KCNIP2: variants seen among roughly 807,000 people sequenced by gnomAD.
The protein encoded by KCNIP2 is A-type potassium channel modulatory protein KCNIP2.
In KCNIP2, 19 loss-of-function variants were observed where a neutral mutation model predicts 39.0. That is an observed-to-expected ratio of 0.49 (90% CI 0.34 to 0.71). KCNIP2 has a LOEUF of 0.71. Among genes scored for constraint, KCNIP2 ranks in the 30% least tolerant of loss-of-function variants. The pLI, the probability that KCNIP2 is intolerant of heterozygous loss-of-function variation, is 0.01. For synonymous variants in KCNIP2, 111 were observed against 131.2 expected, an observed-to-expected ratio of 0.85 and a Z score of 1.05; for missense variants, 261 against 346.0, an observed-to-expected ratio of 0.75 and a Z score of 1.95.
Position 101,830,307 on chromosome 10 carries a change from G to A in KCNIP2, c.170-410C>T, listed in dbSNP as rs1015801778. 6 of 926,022 alleles carry A rather than the reference G, an allele frequency of 6.5e-6. No individual in the cohort carries two copies. The African/African-American group carries it at 1.1e-4, about 16-fold the overall frequency. 57.4% of individuals were successfully genotyped at this position (926,022 alleles called of 1,614,324 possible). A position where few individuals can be genotyped will look rare whatever the true frequency, so the allele number is the denominator to read the frequency against. ...AACCCAAATACCCTGGCGTCTGGAG[G>A]AGGGCAGGCGCCATCCTCTACACCT... is the stretch of plus-strand genomic sequence containing the variant. On this transcript the variant is annotated intron_variant, in intron 2 of 9. Transcript: ENST00000356640.
Position 101,826,472 on chromosome 10 carries a change from A to T in KCNIP2, c.*881T>A, listed in dbSNP as rs1589850855. ...TCTATAGAGAACATGGGAAACAAAA[A>T]CTCAAGTCATAGCCCTCAAAACAGG... On this transcript the variant is annotated 3_prime_UTR_variant, in exon 10 of 10. Transcript: ENST00000356640. 1 of 152,214 alleles carries T rather than the reference A, an allele frequency of 6.6e-6. No homozygotes were observed. The highest frequency in any genetic ancestry group is 1.9e-4 in the East Asian group (1 of 5,186). The allele number at this position is 152,214 out of a possible 1,614,324, so 9.4% of individuals were successfully genotyped here.
Position 101,827,296 on chromosome 10 carries a change from C to T in KCNIP2, c.*57G>A, listed in dbSNP as rs1427136093. 1 of 1,539,598 alleles carries T rather than the reference C, an allele frequency of 6.5e-7. No homozygotes were observed. Among genetic ancestry groups the T allele is most frequent in the African/African-American group, 1.4e-5 (1 of 72,846 alleles). On this transcript the variant is annotated 3_prime_UTR_variant, in exon 10 of 10. Coordinates refer to ENST00000356640, the MANE Select transcript of KCNIP2 (RefSeq NM_173191.3). ...CTGGGAAGAGAAGGGTGAGGTCCGC[C>T]TGGACTAGGGTTAGAGCATGGTCCC...
chr10:101,843,600 T>C lies in KCNIP2; in HGVS notation c.-32A>G, dbSNP rs2066398417. Reference sequence around the variant, plus strand: ...CGGCGCCCCGCTCCCGCCCGGGCCGTGGGAGGGGGCGCCGGGTGGCCGGGA... The same window carrying C: ...CGGCGCCCCGCTCCCGCCCGGGCCGCGGGAGGGGGCGCCGGGTGGCCGGGA... On this transcript the variant is annotated 5_prime_UTR_variant, in exon 1 of 10. Coordinates refer to ENST00000356640, the MANE Select transcript of KCNIP2 (RefSeq NM_173191.3). This position sits in a 1 kb window ranked among gnomAD's most constrained non-coding sequence, Gnocchi z 6.7. 1.5e-6 allele frequency: 2 copies of C among 1,362,868 alleles called. No individual in the cohort carries two copies. Among genetic ancestry groups the C allele is most frequent in the African/African-American group, 1.6e-5 (1 of 64,334 alleles). 84.4% of individuals were successfully genotyped at this position (1,362,868 alleles called of 1,614,324 possible). A position where few individuals can be genotyped will look rare whatever the true frequency, so the allele number is the denominator to read the frequency against.
chr10:101,832,146 T>C (rs1327521496), intron 1 of KCNIP2, among the ~76,000 whole-genome samples: 1 of 152,204 alleles, frequency 6.6e-6, no homozygotes, highest in Non-Finnish European at 1.5e-5. Context: ...TAGTAAACTT[T>C]GTGGCAATAA....
Position 101,828,101 on chromosome 10 carries a change from C to T in KCNIP2, c.597+50G>A, listed in dbSNP as rs67477288. On this transcript the variant is annotated intron_variant, in intron 7 of 9. Coordinates refer to ENST00000356640, the MANE Select transcript of KCNIP2 (RefSeq NM_173191.3). This position sits in a 1 kb window ranked among gnomAD's most constrained non-coding sequence, Gnocchi z 6.6. ...TATTTCCCTCCCATCACCCTCTGCA[C>T]GCCACCCCCATCACCGCCACAGACC... The T allele has an allele frequency of 0.049, 76,238 of 1,568,116 alleles. 2,115 individuals carry two copies. Among genetic ancestry groups the T allele is most frequent in the Non-Finnish European group, 0.055 (63,111 of 1,138,440 alleles).
Position 101,828,942 on chromosome 10 carries a change from A to T in KCNIP2, c.348+133T>A. 1 of 1,508,978 alleles carries T rather than the reference A, an allele frequency of 6.6e-7. No homozygotes were observed. Among genetic ancestry groups the T allele is most frequent in the South Asian group, 1.3e-5 (1 of 78,340 alleles). The allele number at this position is 1,508,978 out of a possible 1,614,324, so 93.5% of individuals were successfully genotyped here. A position where few individuals can be genotyped will look rare whatever the true frequency, so the allele number is the denominator to read the frequency against. ...GCCCCGCCCCAGAACCTCCAGCTAGAAGTTCAGTCTCAGGGCCTTGCCTCC... is the reference window on the plus strand; with the variant it reads ...GCCCCGCCCCAGAACCTCCAGCTAGTAGTTCAGTCTCAGGGCCTTGCCTCC... On this transcript the variant is annotated intron_variant, in intron 4 of 9. Coordinates refer to ENST00000356640, the MANE Select transcript of KCNIP2 (RefSeq NM_173191.3). The surrounding 1 kb of genome is among the most constrained non-coding windows in gnomAD (Gnocchi z 6.6).
In KCNIP2 at chr10:101,828,875, A is replaced by G. The variant is rs755978132; in HGVS notation, c.349-179T>C. The G allele has an allele frequency of 5.2e-6, 8 of 1,546,760 alleles. No individual in the cohort carries two copies. In the East Asian group the frequency reaches 1.2e-4, roughly 24 times the overall value. ...CTTTCCCAGTGCACAAATAAAAAACATGGAACGAAACTGACAGTCTACAGG... is the reference window on the plus strand; with the variant it reads ...CTTTCCCAGTGCACAAATAAAAAACGTGGAACGAAACTGACAGTCTACAGG... On this transcript the variant is annotated intron_variant, in intron 4 of 9. Transcript: ENST00000356640. The surrounding 1 kb of genome is among the most constrained non-coding windows in gnomAD (Gnocchi z 6.6).
intron 2 of KCNIP2, among the ~76,000 whole-genome samples, chr10:101,830,778 A>ACACACACC (rs2065956160): frequency 7.1e-6 from 1 of 140,868 alleles, no homozygotes. Flanking sequence ...ATACACACAC[A>ACACACACC]CACGCGCGCG....
At chr10:101,830,940 C>T (rs866383260) in intron 2 of KCNIP2, 132 bp downstream of exon 2, 1 of 847,938 alleles carries the variant, frequency 1.2e-6, no homozygotes, top group Non-Finnish European at 1.9e-6. Context: ...AGGCCTGGGG[C>T]ACGCCCCCCC....
Position 101,828,326 on chromosome 10 carries a change from C to A in KCNIP2, c.489+63G>T. 2 of 1,611,690 alleles carry A rather than the reference C, an allele frequency of 1.2e-6. No individual in the cohort carries two copies. Among genetic ancestry groups the A allele is most frequent in the Non-Finnish European group, 1.7e-6 (2 of 1,177,896 alleles). On this transcript the variant is annotated intron_variant, in intron 6 of 9. Coordinates refer to ENST00000356640, the MANE Select transcript of KCNIP2 (RefSeq NM_173191.3). This position sits in a 1 kb window ranked among gnomAD's most constrained non-coding sequence, Gnocchi z 6.6. ...CACCCAACTCCTTCTCTGGGTTTGG[C>A]CTGGAGATCCTGGCCCTGAACTCCA...
At chr10:101,836,414 T>C (rs1436306521) in intron 1 of KCNIP2, among the ~76,000 whole-genome samples, 1 of 151,966 alleles carries the variant, frequency 6.6e-6, no homozygotes, top group Non-Finnish European at 1.5e-5. Context: ...CTGATTTTTA[T>C]ATTTTTAAAT....
chr10:101,843,602 G>A lies in KCNIP2; in HGVS notation c.-34C>T. 7.4e-7 allele frequency: 1 copy of A among 1,356,698 alleles called. No homozygotes were observed. The highest frequency in any genetic ancestry group is 1.6e-5 in the African/African-American group (1 of 64,500). The allele number at this position is 1,356,698 out of a possible 1,614,324, so 84.0% of individuals were successfully genotyped here. A position where few individuals can be genotyped will look rare whatever the true frequency, so the allele number is the denominator to read the frequency against. ...GCGCCCCGCTCCCGCCCGGGCCGTG[G>A]GAGGGGGCGCCGGGTGGCCGGGATA... On this transcript the variant is annotated 5_prime_UTR_variant, in exon 1 of 10. Transcript: ENST00000356640. The surrounding 1 kb of genome is among the most constrained non-coding windows in gnomAD (Gnocchi z 6.7).
At chr10:101,829,443 C>T (rs1189185028) in intron 3 of KCNIP2, 3 of 515,798 alleles carry the variant, frequency 5.8e-6, no homozygotes, top group Non-Finnish European at 1.0e-5. Context: ...ACTCAGTGCT[C>T]GCCCCGCGGC....
intron 1 of KCNIP2, chr10:101,834,286 A>G (rs944187268): frequency 1.3e-5 from 5 of 399,162 alleles, no homozygotes; most frequent in African/African-American, 1.0e-4. Flanking sequence ...AGACAGGCTC[A>G]AAGAGGCCAA....
At chr10:101,831,282 A>G in intron 1 of KCNIP2, 115 bp from the exon 2 acceptor site, 1 of 798,980 alleles carries the variant, frequency 1.3e-6, no homozygotes, top group African/African-American at 1.7e-5. Context: ...TGGGGGAGGA[A>G]TTAAGGGGAG....
At chr10:101,837,869 A>T (rs1016573824) in intron 1 of KCNIP2, among the ~76,000 whole-genome samples, 3 of 152,196 alleles carry the variant, frequency 2.0e-5, no homozygotes, top group African/African-American at 7.2e-5. Context: ...GACTATTTGA[A>T]TGGAAAGGGG....
rs891234039 is a variant in KCNIP2 at position 101,826,511 on chromosome 10, G to C, written c.*842C>G. ...CCTCAAAACAGGGACGATAAGCAAG[G>C]AGGGTGGGATGAAATTTTGGCAGGC... is the stretch of plus-strand genomic sequence containing the variant. On this transcript the variant is annotated 3_prime_UTR_variant, in exon 10 of 10. Coordinates refer to ENST00000356640, the MANE Select transcript of KCNIP2 (RefSeq NM_173191.3). 6.6e-6 allele frequency: 1 copy of C among 152,370 alleles called. No individual in the cohort carries two copies. Among genetic ancestry groups the C allele is most frequent in the Non-Finnish European group, 1.5e-5 (1 of 68,092 alleles). The allele number at this position is 152,370 out of a possible 1,614,324, so 9.4% of individuals were successfully genotyped here. A position where few individuals can be genotyped will look rare whatever the true frequency, so the allele number is the denominator to read the frequency against.
At chr10:101,830,008 C>T in intron 2 of KCNIP2, 111 bp from the exon 3 acceptor site, 1 of 1,266,774 alleles carries the variant, frequency 7.9e-7, no homozygotes, top group Non-Finnish European at 1.1e-6. Context: ...TGCAAAGGCA[C>T]ACCCAACCAG....
At chr10:101,841,372 T>A (rs1224966353) in intron 1 of KCNIP2, among the ~76,000 whole-genome samples, 1 of 152,190 alleles carries the variant, frequency 6.6e-6, no homozygotes, top group Non-Finnish European at 1.5e-5. Context: ...AGCTTAGGCA[T>A]CTCTCAGCGC....
Sources: allele counts gnomAD v4.1 joint callset (sites outside exome capture counted in the v4.1 genomes callset), GRCh38; gene constraint gnomAD v4.1.1; non-coding constraint Gnocchi (gnomAD v3.1); transcripts MANE v1.5; gene names NCBI Gene and HGNC (gene_info 2026-07-23, HGNC 2026-07-21).